CAMK1D: variants seen among roughly 807,000 people sequenced by gnomAD.
CAMK1D encodes the protein calcium/calmodulin-dependent protein kinase type 1D.
CAMK1D carries 9 observed loss-of-function variants against 47.7 expected under a neutral mutation model. The ratio of observed to expected loss-of-function variants is 0.19; its 90% CI spans 0.11 to 0.33. The LOEUF is 0.33. Ranked by LOEUF, CAMK1D falls within the 10% of genes least tolerant of loss-of-function variation. The pLI, the probability that CAMK1D is intolerant of heterozygous loss-of-function variation, is 1.00. For synonymous variants in CAMK1D, 184 were observed against 184.9 expected, an observed-to-expected ratio of 0.99 and a Z score of 0.04; for missense variants, 291 against 488.7, an observed-to-expected ratio of 0.60 and a Z score of 3.81.
chr10:12,355,817 A>G (rs1837495096), intron 1 of CAMK1D, among the ~76,000 whole-genome samples: 1 of 152,210 alleles, frequency 6.6e-6, no homozygotes, highest in South Asian at 2.1e-4. Flanking sequence ...GGCAGTGAGC[A>G]GACGAGAATG....
chr10:12,805,417 G>C (rs182251001), intron 6 of CAMK1D, among the ~76,000 whole-genome samples: 1 of 143,690 alleles, frequency 7.0e-6, no homozygotes. Context: ...TGTTGCCCAG[G>C]CTAGAGTGCA....
chr10:12,565,312 A>G (rs1051700691), intron 2 of CAMK1D, among the ~76,000 whole-genome samples: 1 of 152,082 alleles, frequency 6.6e-6, no homozygotes, highest in Non-Finnish European at 1.5e-5. Flanking sequence ...GTGCAGTGGC[A>G]CGACTCGGCC....
chr10:12,818,322 C>CT (rs1319231179), intron 8 of CAMK1D, among the ~76,000 whole-genome samples: 2 of 152,132 alleles, frequency 1.3e-5, no homozygotes, highest in African/African-American at 2.4e-5. Context: ...GTATTGTCTT[C>CT]TTTTTTTCCT....
intron 5 of CAMK1D, among the ~76,000 whole-genome samples, chr10:12,770,178 A>C (rs1836976615): frequency 6.6e-6 from 1 of 152,212 alleles, no homozygotes; most frequent in East Asian, 1.9e-4. Flanking sequence ...CACACAAGAA[A>C]ACTTTTTATT....
chr10:12,602,733 G>T (rs1419724158), intron 2 of CAMK1D, among the ~76,000 whole-genome samples: 1 of 151,962 alleles, frequency 6.6e-6, no homozygotes, highest in East Asian at 1.9e-4. Flanking sequence ...TTTCAGGTCC[G>T]TAATGGCACT....
intron 1 of CAMK1D, among the ~76,000 whole-genome samples, chr10:12,354,333 C>T (rs1837436051): frequency 6.6e-6 from 1 of 152,060 alleles, no homozygotes; most frequent in African/African-American, 2.4e-5. Context: ...TGGACATTGA[C>T]CTACATTACC....
intron 3 of CAMK1D, among the ~76,000 whole-genome samples, chr10:12,749,357 G>C (rs1442856406): frequency 1.4e-5 from 2 of 146,416 alleles, no homozygotes; most frequent in South Asian, 2.1e-4. Context: ...ATGTTGTCTT[G>C]TTGCAGTGTT....
At chr10:12,779,357 A>G (rs1368658302) in intron 5 of CAMK1D, among the ~76,000 whole-genome samples, 2 of 152,232 alleles carry the variant, frequency 1.3e-5, no homozygotes, top group African/African-American at 4.8e-5. Flanking sequence ...GTGACAGAAA[A>G]CATCCGTATC....
intron 3 of CAMK1D, among the ~76,000 whole-genome samples, chr10:12,680,742 A>G (rs1840964690): frequency 2.0e-5 from 3 of 152,030 alleles, no homozygotes; most frequent in Admixed American, 2.0e-4. Flanking sequence ...ATTCTGCTAG[A>G]TCCCCTTTTG....
chr10:12,685,979 C>G (rs1277903804), intron 3 of CAMK1D, among the ~76,000 whole-genome samples: 1 of 152,158 alleles, frequency 6.6e-6, no homozygotes, highest in African/African-American at 2.4e-5. Flanking sequence ...CTGCTATGGC[C>G]CAGAGAGCTG....
chr10:12,537,015 A>G (rs1468914402), intron 1 of CAMK1D, among the ~76,000 whole-genome samples: 1 of 152,160 alleles, frequency 6.6e-6, no homozygotes, highest in East Asian at 1.9e-4. Flanking sequence ...TCCATGGTAC[A>G]GATGTACCAT....
Position 12,497,251 on chromosome 10 carries a change from G to A in CAMK1D, c.93-55974G>A, listed in dbSNP as rs146678464. Among the ~76,000 whole-genome samples the A allele has an allele frequency of 4.3e-3, 657 of 152,168 alleles. 7 individuals carry two copies. Among genetic ancestry groups the A allele is most frequent in the African/African-American group, 0.015 (623 of 41,494 alleles). ...CTCAGCACTTTGGGAGGCCGAAGCCGGAGGATCACGAGATCAAGAAATTGA... is the reference window on the plus strand; with the variant it reads ...CTCAGCACTTTGGGAGGCCGAAGCCAGAGGATCACGAGATCAAGAAATTGA... On this transcript the variant is annotated intron_variant, in intron 1 of 10. Transcript: ENST00000619168.
chr10:12,811,863 G>T (rs1250822321), intron 6 of CAMK1D, among the ~76,000 whole-genome samples: 6 of 152,230 alleles, frequency 3.9e-5, no homozygotes, highest in Non-Finnish European at 8.8e-5. Flanking sequence ...GAAATGGACA[G>T]ACCCATCTTG....
intron 1 of CAMK1D, among the ~76,000 whole-genome samples, chr10:12,378,517 G>A (rs969527196): frequency 7.4e-5 from 11 of 149,224 alleles, no homozygotes; most frequent in Non-Finnish European, 3.0e-5. Context: ...TTATAGGTAC[G>A]AACCACTGTG....
rs574399406 is a variant in CAMK1D, at chr10:12,695,433, G to C, written c.299+28623G>C. 3.9e-5 allele frequency among the ~76,000 whole-genome samples: 6 copies of C among 152,252 alleles called. No homozygotes were observed. In the South Asian group the frequency reaches 6.2e-4, roughly 16 times the overall value. ...CGTGCCCTTCATAGGCCAGCTCCTT[G>C]AGCTTCAGCACTACCTACTCCCAGC... On this transcript the variant is annotated intron_variant, in intron 3 of 10. Coordinates refer to ENST00000619168, the MANE Select transcript of CAMK1D (RefSeq NM_153498.4).
In CAMK1D at chr10:12,418,885, C is replaced by T. The variant is rs144978453; in HGVS notation, c.92+68975C>T. On this transcript the variant is annotated intron_variant, in intron 1 of 10. Coordinates refer to ENST00000619168, the MANE Select transcript of CAMK1D (RefSeq NM_153498.4). ...TCCACCCCTGCCGAGGGATGTCCTG[C>T]AGAGTGGCCATAGATGGAAGGCCTC... Among the ~76,000 whole-genome samples, 328 of 152,294 alleles carry T rather than the reference C, an allele frequency of 2.2e-3. 1 individual carries two copies. The highest frequency in any genetic ancestry group is 7.5e-3 in the African/African-American group (311 of 41,556).
chr10:12,619,615 A>G (rs951870906), intron 2 of CAMK1D, among the ~76,000 whole-genome samples: 8 of 152,188 alleles, frequency 5.3e-5, no homozygotes, highest in African/African-American at 1.9e-4. Context: ...TAAAAATTAC[A>G]TTTTAATTTT....
chr10:12,694,676 T>C (rs1833187427), intron 3 of CAMK1D, among the ~76,000 whole-genome samples: 1 of 146,508 alleles, frequency 6.8e-6, no homozygotes, highest in Non-Finnish European at 1.5e-5. Context: ...AGATGTAAGA[T>C]TGAAAGACTC....
chr10:12,475,630 T>G (rs1240908696), intron 1 of CAMK1D, among the ~76,000 whole-genome samples: 1 of 152,172 alleles, frequency 6.6e-6, no homozygotes, highest in Non-Finnish European at 1.5e-5. Flanking sequence ...TGCAGTTCCT[T>G]TAGGTCTTCT....
Sources: allele counts gnomAD v4.1 joint callset (sites outside exome capture counted in the v4.1 genomes callset), GRCh38; gene constraint gnomAD v4.1.1; transcripts MANE v1.5; gene names NCBI Gene and HGNC (gene_info 2026-07-23, HGNC 2026-07-21).